PTCH2: variants seen among roughly 807,000 people sequenced by gnomAD.
PTCH2 encodes protein patched homolog 2.
In PTCH2, 96 loss-of-function variants were observed where a neutral mutation model predicts 117.9. That is an observed-to-expected ratio of 0.81 (90% CI 0.69 to 0.96). The LOEUF (loss-of-function observed/expected upper bound fraction) is 0.96. PTCH2 is among the 50% of genes least tolerant of loss of function. The pLI, the probability that PTCH2 is intolerant of heterozygous loss-of-function variation, is 0.00. For synonymous variants in PTCH2, 615 were observed against 660.9 expected, an observed-to-expected ratio of 0.93 and a Z score of 1.06; for missense variants, 1,379 against 1,562.5, an observed-to-expected ratio of 0.88 and a Z score of 1.98.
At chr1:44,838,751 C>T (rs1451941658) in intron 2 of PTCH2, among the ~76,000 whole-genome samples, 1 of 149,102 alleles carries the variant, frequency 6.7e-6, no homozygotes, top group African/African-American at 2.5e-5. Context: ...TTTTGAGTCT[C>T]GCTCTGTCGC....
Position 44,829,143 on chromosome 1 carries a change from C to A in PTCH2, c.1371+14G>T. 6.2e-7 allele frequency: 1 copy of A among 1,613,864 alleles called. No homozygotes were observed. Among genetic ancestry groups the A allele is most frequent in the Non-Finnish European group, 8.5e-7 (1 of 1,180,032 alleles). On this transcript the variant is annotated intron_variant, in intron 10 of 21. Coordinates refer to ENST00000372192, the MANE Select transcript of PTCH2 (RefSeq NM_003738.5). ...GGTGACTGGCACTGAGTCTGCCCTG[C>A]AGTCCTGGCGTACCTGGGTAGTGGC... is the stretch of plus-strand genomic sequence containing the variant.
At chr1:44,829,794 G>T (rs751364708) in intron 7 of PTCH2, 33 bp from the exon 8 acceptor site, 1 of 1,614,132 alleles carries the variant, frequency 6.2e-7, no homozygotes, top group African/African-American at 1.3e-5. Flanking sequence ...AGGGGTCAGA[G>T]CTGGCCCAAA....
Position 44,823,012 on chromosome 1 carries a change from C to T in PTCH2, c.3357+57G>A. Reference sequence around the variant, plus strand: ...CAGGGCTCTGTCCCTTCCCTTGCCTCTCCCTACCCCGTCCCTTGGGCTGGG... The same window carrying T: ...CAGGGCTCTGTCCCTTCCCTTGCCTTTCCCTACCCCGTCCCTTGGGCTGGG... On this transcript the variant is annotated intron_variant, in intron 21 of 21. Transcript: ENST00000372192. This position sits in a 1 kb window ranked among gnomAD's most constrained non-coding sequence, Gnocchi z 5.1. The T allele has an allele frequency of 1.9e-6, 3 of 1,563,068 alleles. No individual in the cohort carries two copies. The highest frequency in any genetic ancestry group is 2.6e-6 in the Non-Finnish European group (3 of 1,147,120).
rs145066065 is a variant in PTCH2, at chr1:44,826,894, A to G, written c.2695+8T>C. On this transcript the variant is annotated splice_region_variant and intron_variant, in intron 17 of 21. Coordinates refer to ENST00000372192, the MANE Select transcript of PTCH2 (RefSeq NM_003738.5). The surrounding 1 kb of genome is among the most constrained non-coding windows in gnomAD (Gnocchi z 5.1). ...TGAGGCTCTTGCCGAGCTCCCCCCA[A>G]GACTCACTGCGAAGGTTCTCCCCCG... 643 of 1,613,962 alleles carry G rather than the reference A, an allele frequency of 4.0e-4. 3 individuals are homozygous for G. In the African/African-American group the frequency reaches 7.5e-3, roughly 19 times the overall value.
At chr1:44,841,228 C>T (rs2148886014) in intron 2 of PTCH2, among the ~76,000 whole-genome samples, 1 of 146,202 alleles carries the variant, frequency 6.8e-6, no homozygotes, top group Non-Finnish European at 1.5e-5. Flanking sequence ...GAAAATCATT[C>T]TTCTTTTATG....
chr1:44,822,049 G>T lies in PTCH2; in HGVS notation c.*366C>A. 7.4e-7 allele frequency: 1 copy of T among 1,355,078 alleles called. No homozygotes were observed. Among genetic ancestry groups the T allele is most frequent in the South Asian group, 1.4e-5 (1 of 69,700 alleles). The allele number at this position is 1,355,078 out of a possible 1,614,324, so 83.9% of individuals were successfully genotyped here. ...TTCATATAAATAATGGATGTGGTAG[G>T]AGGTGGGCAGGGATATGGAGAGCCT... is the stretch of plus-strand genomic sequence containing the variant. On this transcript the variant is annotated 3_prime_UTR_variant, in exon 22 of 22. Coordinates refer to ENST00000372192, the MANE Select transcript of PTCH2 (RefSeq NM_003738.5).
chr1:44,839,931 A>G (rs1653865760), intron 2 of PTCH2, among the ~76,000 whole-genome samples: 1 of 152,016 alleles, frequency 6.6e-6, no homozygotes, highest in South Asian at 2.1e-4. Context: ...AGTATTTGAA[A>G]TAACTCGAGG....
chr1:44,842,721 A>G (rs1481997543), intron 1 of PTCH2, 140 bp downstream of exon 1: 5 of 827,998 alleles, frequency 6.0e-6, no homozygotes, highest in Non-Finnish European at 9.8e-6. Flanking sequence ...CACACGCACA[A>G]CTTGCTTGCG....
Position 44,822,031 on chromosome 1 carries a change from A to G in PTCH2, c.*384T>C, listed in dbSNP as rs1385776110. ...ACTACAAAAATAGACATTTTCATAT[A>G]AATAATGGATGTGGTAGGAGGTGGG... On this transcript the variant is annotated 3_prime_UTR_variant, in exon 22 of 22. Transcript: ENST00000372192. The G allele has an allele frequency of 6.8e-6, 9 of 1,320,994 alleles. No homozygotes were observed. The highest frequency in any genetic ancestry group is 8.9e-6 in the Non-Finnish European group (9 of 1,016,324). 81.8% of individuals were successfully genotyped at this position (1,320,994 alleles called of 1,614,324 possible). A position where few individuals can be genotyped will look rare whatever the true frequency, so the allele number is the denominator to read the frequency against.
At position 44,831,721 on chromosome 1, in the gene PTCH2, C is replaced by G; in HGVS notation, c.602G>C (p.Gly201Ala). Reference protein sequence around the residue: ...CFWEGAKLQGGSAYLPGRPDI... With the variant: ...CFWEGAKLQGASAYLPGRPDI... ...TGGCACTCACGGCAGGTAGGCGGAG[C>G]CCCCTTGGAGTTTGGCTCCCTCCCA... The change falls in exon 5 of 22, where the codon GGC becomes GCC. Residue 201 changes from glycine (G) to alanine (A), a missense_variant. Transcript: ENST00000372192. This position sits in a 1 kb window ranked among gnomAD's most constrained non-coding sequence, Gnocchi z 4.3. 6.4e-7 allele frequency: 1 copy of G among 1,561,432 alleles called. No homozygotes were observed. The highest frequency in any genetic ancestry group is 8.7e-7 in the Non-Finnish European group (1 of 1,152,810).
Position 44,832,232 on chromosome 1 carries a change from G to C in PTCH2, c.375C>G (p.Asn125Lys). The change falls in exon 3 of 22, where the codon AAC becomes AAG. Residue 125 changes from asparagine to lysine, a missense_variant. Asn to Lys is a moderately conservative substitution (Grantham distance 94). Coordinates refer to ENST00000372192, the MANE Select transcript of PTCH2 (RefSeq NM_003738.5). ...GGCCAAGTGCTTCGGGTGTGAGGAT[G>C]TTCTCTCCCTCCTGGCGTGCGGTCT... is the stretch of plus-strand genomic sequence containing the variant. ...LIQTARQEGENILTPEALGLH... is the reference protein window; with the variant it reads ...LIQTARQEGEKILTPEALGLH... The C allele has an allele frequency of 6.2e-7, 1 of 1,614,204 alleles. No individual in the cohort carries two copies. Among genetic ancestry groups the C allele is most frequent in the Non-Finnish European group, 8.5e-7 (1 of 1,180,042 alleles).
At chr1:44,820,244 C>CG, downstream of PTCH2, 1 of 392,846 alleles carries the variant, frequency 2.5e-6, no homozygotes, top group Non-Finnish European at 5.2e-6. Flanking sequence ...TCCGCGCCAC[C>CG]GGGGAAGCCA....
rs2148873762 is a variant in PTCH2 at position 44,826,332 on chromosome 1, C to G, written c.3032G>C (p.Gly1011Ala). The G allele has an allele frequency of 6.2e-7, 1 of 1,614,122 alleles. No homozygotes were observed. Among genetic ancestry groups the G allele is most frequent in the Non-Finnish European group, 8.5e-7 (1 of 1,180,034 alleles). The change falls in exon 19 of 22, where the codon GGC becomes GCC. Residue 1011 changes from glycine (G) to alanine (A), a missense_variant. By Grantham distance (60) the Gly-to-Ala change is moderately conservative. Coordinates refer to ENST00000372192, the MANE Select transcript of PTCH2 (RefSeq NM_003738.5). This position sits in a 1 kb window ranked among gnomAD's most constrained non-coding sequence, Gnocchi z 5.1. ...VELFGIMGFL[G>A]IKLSAIPVVI... ...CACGGGGATGGCACTCAGCTTGATG[C>G]CCAGGAAACCCATGATACCAAAGAG...
At position 44,823,051 on chromosome 1, in the gene PTCH2, T is replaced by C; in HGVS notation, c.3357+18A>G. On this transcript the variant is annotated intron_variant, in intron 21 of 21. Coordinates refer to ENST00000372192, the MANE Select transcript of PTCH2 (RefSeq NM_003738.5). This position sits in a 1 kb window ranked among gnomAD's most constrained non-coding sequence, Gnocchi z 5.1. ...CCTTGGGCTGGGAGTAGAGGGATGG[T>C]GCCGAGGGTGTGGTCACCTCTGGCG... is the stretch of plus-strand genomic sequence containing the variant. 6.2e-7 allele frequency: 1 copy of C among 1,608,772 alleles called. No individual in the cohort carries two copies. Among genetic ancestry groups the C allele is most frequent in the Non-Finnish European group, 8.5e-7 (1 of 1,177,714 alleles).
downstream of PTCH2, chr1:44,821,675 C>T: frequency 1.3e-6 from 1 of 780,768 alleles, no homozygotes; most frequent in South Asian, 5.9e-5. Context: ...CAGTGGGGTT[C>T]TTTTTTTTCT....
Position 44,843,054 on chromosome 1 carries a change from C to A in PTCH2, c.-122G>T. ...GGGATTCAGTGGGGCCGCCAAGGCGCGGGCGTGGGAGAGACTGTGGGGTGT... is the reference window on the plus strand; with the variant it reads ...GGGATTCAGTGGGGCCGCCAAGGCGAGGGCGTGGGAGAGACTGTGGGGTGT... On this transcript the variant is annotated 5_prime_UTR_variant, in exon 1 of 22. Coordinates refer to ENST00000372192, the MANE Select transcript of PTCH2 (RefSeq NM_003738.5). 1 of 1,427,946 alleles carries A rather than the reference C, an allele frequency of 7.0e-7. No individual in the cohort carries two copies. The highest frequency in any genetic ancestry group is 9.1e-7 in the Non-Finnish European group (1 of 1,095,200). 88.5% of individuals were successfully genotyped at this position (1,427,946 alleles called of 1,614,324 possible).
At chr1:44,839,361 CAAAAAAAAAA>C (rs57053705) in intron 2 of PTCH2, among the ~76,000 whole-genome samples, 1 of 75,654 alleles carries the variant, frequency 1.3e-5, no homozygotes, top group Non-Finnish European at 2.6e-5. Flanking sequence ...GACTTACTCT[CAAAAAAAAAA>C]AAAAAAAAAA....
intron 2 of PTCH2, among the ~76,000 whole-genome samples, chr1:44,838,936 CCAGG>C (rs1227935726): frequency 1.3e-5 from 2 of 151,778 alleles, no homozygotes; most frequent in Non-Finnish European, 2.9e-5. Flanking sequence ...GCCAGGCTAG[CCAGG>C]CTGGTGTTGA....
At position 44,827,416 on chromosome 1, in the gene PTCH2, C is replaced by G. The variant is rs752986243; in HGVS notation, c.2357G>C (p.Arg786Pro). ...TCGCCTCTCACCCTGTAGCCAGTTGCGGTAATAGTGCAGCCAGGTGCGGGG... is the reference window on the plus strand; with the variant it reads ...TCGCCTCTCACCCTGTAGCCAGTTGGGGTAATAGTGCAGCCAGGTGCGGGG... Reference protein sequence around the residue: ...QAPRTWLHYYRNWLQGIQAAF... With the variant: ...QAPRTWLHYYPNWLQGIQAAF... The change falls in exon 15 of 22, where the codon CGC becomes CCC. Residue 786 changes from arginine to proline, a missense_variant. Transcript: ENST00000372192. The G allele has an allele frequency of 6.2e-7, 1 of 1,614,014 alleles. No individual in the cohort carries two copies. Among genetic ancestry groups the G allele is most frequent in the Non-Finnish European group, 8.5e-7 (1 of 1,180,000 alleles).
Sources: gnomAD v4.1 joint callset for allele counts (sites outside exome capture counted in the v4.1 genomes callset) on GRCh38, gnomAD v4.1.1 for gene constraint, Gnocchi (gnomAD v3.1) non-coding constraint, MANE v1.5 for transcripts, NCBI Gene and HGNC (gene_info 2026-07-23, HGNC 2026-07-21) for gene names.